Variants in ROBO2 observed in about 807,000 individuals in gnomAD.
ROBO2 encodes roundabout guidance receptor 2.
A neutral mutation model predicts 160.8 loss-of-function variants in ROBO2; 53 were observed. That is an observed-to-expected ratio of 0.33 (90% CI 0.26 to 0.41). The LOEUF (loss-of-function observed/expected upper bound fraction) is 0.41, where lower values mean the gene tolerates loss of function less well. Ranked by LOEUF, ROBO2 falls within the 10% of genes least tolerant of loss-of-function variation. The pLI is 1.00. For missense variants in ROBO2, 1,577 were observed against 1,722.4 expected, an observed-to-expected ratio of 0.92 and a Z score of 1.49; for synonymous variants, 664 against 611.7, an observed-to-expected ratio of 1.09 and a Z score of -1.26.
chr3:77,538,860 T>A (rs1482065852), intron 6 of ROBO2: 1 of 497,848 alleles, frequency 2.0e-6, no homozygotes, highest in Non-Finnish European at 4.0e-6. Context: ...TCTCACTCTC[T>A]GTTTCTTGTT....
intron 2 of ROBO2, among the ~76,000 whole-genome samples, chr3:76,621,931 C>T (rs759478375): frequency 9.9e-5 from 15 of 151,926 alleles, no homozygotes; most frequent in Admixed American, 1.3e-4. Context: ...CATTGTAAGC[C>T]GTGTGGTTCA....
At chr3:77,596,707 T>C (rs1469032568) in exon 19 of ROBO2, 4 of 1,613,664 alleles carry the variant, frequency 2.5e-6, no homozygotes, top group African/African-American at 2.7e-5. Context: ...CAGTAAATAA[T>C]AGCAACAGTG....
chr3:77,007,719 T>G (rs947758544), intron 2 of ROBO2, among the ~76,000 whole-genome samples: 6 of 152,242 alleles, frequency 3.9e-5, no homozygotes, highest in African/African-American at 1.4e-4. Context: ...TTTCTGTTAT[T>G]GAAAAGAATC....
chr3:76,805,555 A>G (rs1001125229), intron 2 of ROBO2, among the ~76,000 whole-genome samples: 4 of 152,016 alleles, frequency 2.6e-5, no homozygotes, highest in Admixed American at 2.0e-4. Flanking sequence ...ACAAATGTAT[A>G]TATTTCATAG....
chr3:76,748,067 G>A (rs2093922102), intron 2 of ROBO2, among the ~76,000 whole-genome samples: 1 of 151,786 alleles, frequency 6.6e-6, no homozygotes, highest in African/African-American at 2.4e-5. Flanking sequence ...GGTTGCTAAG[G>A]GGACTAGTCA....
chr3:77,059,160 G>GT (rs2066044627), intron 1 of ROBO2, among the ~76,000 whole-genome samples: 1 of 152,082 alleles, frequency 6.6e-6, no homozygotes, highest in Non-Finnish European at 1.5e-5. Flanking sequence ...TAACAATTAT[G>GT]TTGAGGACTG....
intron 1 of ROBO2, among the ~76,000 whole-genome samples, chr3:77,074,925 A>C: frequency 6.6e-6 from 1 of 152,164 alleles, no homozygotes; most frequent in East Asian, 1.9e-4. Context: ...GAAAAGAAAG[A>C]CCTAAAGATG....
chr3:77,231,468 CT>C, intron 2 of ROBO2, among the ~76,000 whole-genome samples: 1 of 151,944 alleles, frequency 6.6e-6, no homozygotes, highest in Non-Finnish European at 1.5e-5. Flanking sequence ...CTTAGGACCC[CT>C]GATGAGGTCC....
At chr3:76,712,156 T>A (rs1025736814) in intron 2 of ROBO2, among the ~76,000 whole-genome samples, 5 of 152,144 alleles carry the variant, frequency 3.3e-5, no homozygotes, top group Non-Finnish European at 7.3e-5. Context: ...TCTAACACAT[T>A]TTAAAATTAG....
intron 2 of ROBO2, among the ~76,000 whole-genome samples, chr3:77,338,394 C>T (rs547809786): frequency 6.6e-6 from 1 of 152,042 alleles, no homozygotes; most frequent in Admixed American, 6.6e-5. Flanking sequence ...AGGATCACCA[C>T]GACCTTACCT....
At chr3:76,724,568 C>A (rs2093517742) in intron 2 of ROBO2, among the ~76,000 whole-genome samples, 1 of 152,178 alleles carries the variant, frequency 6.6e-6, no homozygotes, top group African/African-American at 2.4e-5. Context: ...TTCCCCAGCA[C>A]TGTTTTCTTT....
chr3:76,489,039 C>CG (rs2079655258), intron 2 of ROBO2, among the ~76,000 whole-genome samples: 1 of 130,846 alleles, frequency 7.6e-6, no homozygotes, highest in East Asian at 2.3e-4. Flanking sequence ...TAGCCAAGAT[C>CG]GCACCACTGC....
At chr3:77,527,179 T>C (rs1441817151) in intron 6 of ROBO2, among the ~76,000 whole-genome samples, 2 of 151,406 alleles carry the variant, frequency 1.3e-5, no homozygotes, top group Non-Finnish European at 3.0e-5. Context: ...ATCTCTCAAA[T>C]TGCTTACAGT....
intron 2 of ROBO2, among the ~76,000 whole-genome samples, chr3:76,868,806 A>G (rs1443891252): frequency 6.6e-6 from 1 of 151,794 alleles, no homozygotes; most frequent in Non-Finnish European, 1.5e-5. Flanking sequence ...TGTATCAGAT[A>G]AATAACACGT....
At chr3:76,842,262 A>C (rs1433676272) in intron 2 of ROBO2, among the ~76,000 whole-genome samples, 1 of 152,234 alleles carries the variant, frequency 6.6e-6, no homozygotes, top group Admixed American at 6.5e-5. Flanking sequence ...ATTCACTTAC[A>C]TCCTCATTCA....
chr3:76,598,253 T>C (rs1191114902), intron 2 of ROBO2, among the ~76,000 whole-genome samples: 1 of 152,102 alleles, frequency 6.6e-6, no homozygotes, highest in East Asian at 1.9e-4. Flanking sequence ...GAATAGTGGT[T>C]GCCAGTGCTT....
chr3:77,360,757 C>T (rs1345454482), intron 2 of ROBO2, among the ~76,000 whole-genome samples: 5 of 152,038 alleles, frequency 3.3e-5, no homozygotes, highest in Admixed American at 6.6e-5. Context: ...ACTTTTTAAG[C>T]AAATTGCTGT....
At chr3:76,139,115 G>C (rs750621437) in intron 2 of ROBO2, among the ~76,000 whole-genome samples, 1 of 152,076 alleles carries the variant, frequency 6.6e-6, no homozygotes, top group Non-Finnish European at 1.5e-5. Flanking sequence ...GTACTTAAAT[G>C]ATAACAAACC....
intron 6 of ROBO2, among the ~76,000 whole-genome samples, chr3:77,524,282 A>AAT (rs10637272): frequency 0.11 from 16,893 of 148,156 alleles, 1,484 homozygotes; most frequent in African/African-American, 0.24. Context: ...ATATGAATTG[A>AAT]ATATATATAT....
Sources: gnomAD v4.1 joint callset for allele counts (sites outside exome capture counted in the v4.1 genomes callset) on GRCh38, gnomAD v4.1.1 for gene constraint, MANE v1.5 for transcripts, NCBI Gene and HGNC (gene_info 2026-07-23, HGNC 2026-07-21) for gene names.